Variants in ACTL8 observed in about 807,000 individuals in gnomAD.
ACTL8 encodes actin like 8.
ACTL8 carries 3 observed loss-of-function variants against 9.3 expected under a neutral mutation model. That is an observed-to-expected ratio of 0.32 (90% confidence interval 0.15 to 0.83). ACTL8 has a LOEUF of 0.83. Ranked by LOEUF, ACTL8 falls within the 40% of genes least tolerant of loss-of-function variation. The pLI, the probability that ACTL8 is intolerant of heterozygous loss-of-function variation, is 0.57. For synonymous variants in ACTL8, 224 were observed against 205.9 expected, an observed-to-expected ratio of 1.09 and a Z score of -0.75; for missense variants, 381 against 492.2, an observed-to-expected ratio of 0.77 and a Z score of 2.14.
At chr1:17,760,770 GC>G (rs2065996270) in intron 1 of ACTL8, among the ~76,000 whole-genome samples, 1 of 152,176 alleles carries the variant, frequency 6.6e-6, no homozygotes, top group Non-Finnish European at 1.5e-5. Flanking sequence ...ACTTTGCCCA[GC>G]CCCCTGACAA....
chr1:17,762,302 G>C (rs371182806), intron 1 of ACTL8, among the ~76,000 whole-genome samples: 5 of 152,118 alleles, frequency 3.3e-5, no homozygotes, highest in African/African-American at 9.7e-5. Context: ...CTGACTGCTA[G>C]GCCAGGGGTC....
chr1:17,765,952 G>A (rs1276980892), intron 1 of ACTL8, among the ~76,000 whole-genome samples: 2 of 152,194 alleles, frequency 1.3e-5, no homozygotes, highest in Admixed American at 6.5e-5. Context: ...CTCACCCCAG[G>A]TTTTAGAGCA....
At chr1:17,813,543 A>T (rs962957827) in intron 1 of ACTL8, among the ~76,000 whole-genome samples, 1 of 152,194 alleles carries the variant, frequency 6.6e-6, no homozygotes, top group African/African-American at 2.4e-5. Context: ...CTTATTAAAG[A>T]ATAATATATC....
intron 1 of ACTL8, among the ~76,000 whole-genome samples, chr1:17,784,674 A>G (rs374548341): frequency 3.9e-5 from 6 of 152,308 alleles, no homozygotes; most frequent in African/African-American, 1.4e-4. Flanking sequence ...ATACAATGCT[A>G]TACCCCATTT....
intron 1 of ACTL8, among the ~76,000 whole-genome samples, chr1:17,812,217 A>G (rs1005378399): frequency 6.6e-6 from 1 of 151,940 alleles, no homozygotes; most frequent in Non-Finnish European, 1.5e-5. Context: ...GAGTCTTCCA[A>G]CTTTGTTCTT....
At chr1:17,773,943 A>G (rs2066100036) in intron 1 of ACTL8, among the ~76,000 whole-genome samples, 1 of 152,210 alleles carries the variant, frequency 6.6e-6, no homozygotes, top group Admixed American at 6.5e-5. Context: ...CGTTTATGTA[A>G]TGCCTGGCAC....
At chr1:17,811,870 C>G (rs1166741131) in intron 1 of ACTL8, among the ~76,000 whole-genome samples, 1 of 139,586 alleles carries the variant, frequency 7.2e-6, no homozygotes, top group Non-Finnish European at 1.6e-5. Context: ...GGTTTTCTGT[C>G]TTTTTTTTTT....
chr1:17,773,740 G>T (rs1264930977), intron 1 of ACTL8, among the ~76,000 whole-genome samples: 1 of 152,224 alleles, frequency 6.6e-6, no homozygotes, highest in Non-Finnish European at 1.5e-5. Context: ...TAATCAAAGG[G>T]TCTCTCTCAC....
intron 1 of ACTL8, among the ~76,000 whole-genome samples, chr1:17,802,802 G>A (rs904305163): frequency 2.0e-5 from 3 of 151,988 alleles, no homozygotes; most frequent in African/African-American, 4.8e-5. Context: ...GGTCAACATG[G>A]CGAAACCCCA....
chr1:17,794,643 G>T (rs1160984807), intron 1 of ACTL8, among the ~76,000 whole-genome samples: 1 of 152,076 alleles, frequency 6.6e-6, no homozygotes, highest in African/African-American at 2.4e-5. Flanking sequence ...TTTTCTCTTT[G>T]CATAATTTTT....
intron 1 of ACTL8, among the ~76,000 whole-genome samples, chr1:17,800,583 C>CTTTTTTTTTTTTTTTTTTTTTTTTT (rs59143238): frequency 7.2e-5 from 5 of 69,156 alleles, no homozygotes; most frequent in African/African-American, 3.2e-4. Flanking sequence ...TGGTGTCAAT[C>CTTTTTTTTTTTTTTTTTTTTTTTTT]TTTTTTTTTT....
In ACTL8 at chr1:17,816,761, A is replaced by G. The variant is rs186648767; in HGVS notation, c.-24-6224A>G. 6.6e-5 allele frequency among the ~76,000 whole-genome samples: 10 copies of G among 152,200 alleles called. No individual in the cohort carries two copies. In the East Asian group the frequency reaches 1.5e-3, roughly 24 times the overall value. On this transcript the variant is annotated intron_variant, in intron 1 of 2. Coordinates refer to ENST00000375406, the MANE Select transcript of ACTL8 (RefSeq NM_030812.3). The stretch of plus-strand genomic sequence containing the variant: ...TGAGCTGGGACCTGTGCCCGTTCAT[A>G]TATAGAATCTGGGGAATCCTTTCTC...
In ACTL8 at chr1:17,826,332, C is replaced by G; in HGVS notation, c.914C>G (p.Pro305Arg). The change falls in exon 3 of 3, where the codon CCC becomes CGC. Residue 305 changes from proline (P) to arginine (R), a missense_variant. By Grantham distance (103) the Pro-to-Arg change is moderately radical. Transcript: ENST00000375406. This position sits in a 1 kb window ranked among gnomAD's most constrained non-coding sequence, Gnocchi z 4.5. The stretch of plus-strand genomic sequence containing the variant: ...GCCTGCGGGGGCAACACCCTCTATC[C>G]CGGGTTCACAAAGCGCCTGTTCAGG... ...VMACGGNTLY[P>R]GFTKRLFREL... 1.2e-6 allele frequency: 2 copies of G among 1,613,802 alleles called. No homozygotes were observed. Among genetic ancestry groups the G allele is most frequent in the Non-Finnish European group, 1.7e-6 (2 of 1,179,822 alleles).
intron 1 of ACTL8, among the ~76,000 whole-genome samples, chr1:17,757,705 A>G (rs551474911): frequency 6.6e-6 from 1 of 152,326 alleles, no homozygotes; most frequent in Non-Finnish European, 1.5e-5. Flanking sequence ...GGAAACAGAA[A>G]AAGAACGACA....
At chr1:17,811,124 C>T (rs1195327439) in intron 1 of ACTL8, among the ~76,000 whole-genome samples, 1 of 152,182 alleles carries the variant, frequency 6.6e-6, no homozygotes, top group African/African-American at 2.4e-5. Flanking sequence ...TCCAATTTCT[C>T]CACATCCTTG....
rs117310237 is a variant in ACTL8 at position 17,771,357 on chromosome 1, A to G, written c.-25+15853A>G. ...TTCTTGGCTCTCGGGCCATATAAAA[A>G]CAGGCAGTGAGCCGGATTTGGCCCG... On this transcript the variant is annotated intron_variant, in intron 1 of 2. Transcript: ENST00000375406. Among the ~76,000 whole-genome samples, 412 of 152,324 alleles carry G rather than the reference A, an allele frequency of 2.7e-3. 9 individuals carry two copies. The East Asian group carries it at 0.052, about 19-fold the overall frequency.
At chr1:17,788,740 G>A (rs1050007342) in intron 1 of ACTL8, among the ~76,000 whole-genome samples, 1 of 152,226 alleles carries the variant, frequency 6.6e-6, no homozygotes, top group Non-Finnish European at 1.5e-5. Context: ...GGCATGTGGG[G>A]AGGTGTACCA....
intron 1 of ACTL8, among the ~76,000 whole-genome samples, chr1:17,785,995 C>G (rs1332023432): frequency 6.6e-6 from 1 of 152,152 alleles, no homozygotes; most frequent in Non-Finnish European, 1.5e-5. Flanking sequence ...AGGATTCATT[C>G]CCTGTGGCTG....
chr1:17,805,928 C>A (rs991887391), intron 1 of ACTL8, among the ~76,000 whole-genome samples: 1 of 152,230 alleles, frequency 6.6e-6, no homozygotes, highest in Admixed American at 6.5e-5. Context: ...GTCCTAGGGA[C>A]AGGCTGGGAG....
Sources: gnomAD v4.1 joint callset for allele counts (sites outside exome capture counted in the v4.1 genomes callset) on GRCh38, gnomAD v4.1.1 for gene constraint, Gnocchi (gnomAD v3.1) non-coding constraint, MANE v1.5 for transcripts, NCBI Gene and HGNC (gene_info 2026-07-23, HGNC 2026-07-21) for gene names.